LTBP2: variants seen among roughly 807,000 people sequenced by gnomAD.
LTBP2 encodes the protein latent transforming growth factor beta binding protein 2.
LTBP2 carries 103 observed loss-of-function variants against 210.6 expected under a neutral mutation model. That is an observed-to-expected ratio of 0.49 (90% CI 0.42 to 0.58). LTBP2 has a LOEUF of 0.58. Ranked by LOEUF, LTBP2 falls within the 20% of genes least tolerant of loss-of-function variation. The pLI, the probability that LTBP2 is intolerant of heterozygous loss-of-function variation, is 0.00. For synonymous variants in LTBP2, 1,007 were observed against 1,015.0 expected, an observed-to-expected ratio of 0.99 and a Z score of 0.15; for missense variants, 2,313 against 2,494.5, an observed-to-expected ratio of 0.93 and a Z score of 1.55.
At chr14:74,605,548 C>T (rs940632679) in intron 1 of LTBP2, among the ~76,000 whole-genome samples, 2 of 152,224 alleles carry the variant, frequency 1.3e-5, no homozygotes, top group Non-Finnish European at 2.9e-5. Context: ...TATGTCACCA[C>T]CCCTTGTGGT....
chr14:74,502,863 C>T lies in LTBP2; in HGVS notation c.4960G>A (p.Gly1654Ser), dbSNP rs774203705. 2.9e-5 allele frequency: 46 copies of T among 1,613,954 alleles called. No homozygotes were observed. The Admixed American group carries it at 7.0e-4, about 25-fold the overall frequency. ...EREAGVHFRPGYEYGPGPDDL... is the reference protein window; with the variant it reads ...EREAGVHFRPSYEYGPGPDDL... The stretch of plus-strand genomic sequence containing the variant: ...TCGGGCCCGGGGCCATACTCATAGC[C>T]TGGCCGGAAGTGGACCCCGGCCTCC... The change falls in exon 34 of 36, where the codon GGC (glycine) becomes AGC (serine). Residue 1654 changes from glycine (G) to serine (S), a missense_variant. This residue lies in a region of LTBP2 where 443 missense variants were observed against 501.4 expected (regional missense o/e 0.88). Coordinates refer to ENST00000261978, the MANE Select transcript of LTBP2 (RefSeq NM_000428.3).
chr14:74,596,226 A>AAAATAAATAAATAAATAAAT (rs529095086), intron 2 of LTBP2, among the ~76,000 whole-genome samples: 18 of 122,112 alleles, frequency 1.5e-4, no homozygotes, highest in Non-Finnish European at 2.0e-4. Flanking sequence ...TGCTGTTTCA[A>AAAATAAATAAATAAATAAAT]AAATAAATAA....
At position 74,555,542 on chromosome 14, in the gene LTBP2, G is replaced by T. The variant is rs368523465; in HGVS notation, c.982C>A (p.Gln328Lys). 5.0e-6 allele frequency: 8 copies of T among 1,613,230 alleles called. No homozygotes were observed. Among genetic ancestry groups the T allele is most frequent in the Non-Finnish European group, 6.8e-6 (8 of 1,179,602 alleles). The change falls in exon 4 of 36, where the codon CAA becomes AAA. Residue 328 changes from glutamine to lysine, a missense_variant. Gln to Lys is a moderately conservative substitution (Grantham distance 53). Transcript: ENST00000261978. ...GGGTGCTCCAGAGGTACCGCCTGTT[G>T]GGTGCCATCTCTCTGCTCAAGGCCT... is the stretch of plus-strand genomic sequence containing the variant. ...GPGLEQRDGT[Q>K]QAVPLEHPSS...
At chr14:74,525,958 C>T in intron 14 of LTBP2, 117 bp downstream of exon 14, 1 of 1,116,164 alleles carries the variant, frequency 9.0e-7, no homozygotes, top group South Asian at 1.3e-5. Flanking sequence ...TCCTTCTCAC[C>T]CTCCTCTGAT....
At chr14:74,506,950 T>C in intron 26 of LTBP2, 127 bp from the exon 27 acceptor site, 1 of 1,550,378 alleles carries the variant, frequency 6.5e-7, no homozygotes, top group East Asian at 2.4e-5. Flanking sequence ...AATACTTATT[T>C]GGCTTATTAG....
chr14:74,509,199 G>A (rs367605973), intron 22 of LTBP2, 39 bp downstream of exon 22: 1 of 1,613,062 alleles, frequency 6.2e-7, no homozygotes, highest in Non-Finnish European at 8.5e-7. Context: ...GACAGAGGGG[G>A]CATCCCATTT....
At chr14:74,522,944 G>A (rs1219277544) in intron 15 of LTBP2, 26 bp from the exon 16 acceptor site, 3 of 1,606,928 alleles carry the variant, frequency 1.9e-6, no homozygotes, top group African/African-American at 1.3e-5. Context: ...CAAAACAGAG[G>A]TTATGGCAGG....
chr14:74,540,867 T>TA (rs2087495122), intron 8 of LTBP2, among the ~76,000 whole-genome samples: 5 of 67,510 alleles, frequency 7.4e-5, no homozygotes, highest in South Asian at 4.4e-4. Flanking sequence ...TTATATATAT[T>TA]TATATATATA....
chr14:74,576,709 C>A (rs1005851475), intron 3 of LTBP2, among the ~76,000 whole-genome samples: 3 of 151,358 alleles, frequency 2.0e-5, no homozygotes, highest in Non-Finnish European at 4.4e-5. Flanking sequence ...TTAAGATGGA[C>A]ACAACAGGGG....
rs575476350 is a variant in LTBP2 at position 74,515,252 on chromosome 14, ATT to A, written c.2908+1568_2908+1569del. 3.2e-3 allele frequency among the ~76,000 whole-genome samples: 400 copies of A among 125,418 alleles called. 2 individuals carry two copies. The highest frequency in any genetic ancestry group is 0.03 in the East Asian group (125 of 4,208). 82.3% of individuals were successfully genotyped at this position (125,418 alleles called of 152,430 possible). Reference sequence around the variant, plus strand: ...ACACAGACTGGTTAATATAAATCTGATTTTTTTTTTTTTTTTTTTTTTGAGAC... The same window carrying A: ...ACACAGACTGGTTAATATAAATCTGATTTTTTTTTTTTTTTTTTTTGAGAC... On this transcript the variant is annotated intron_variant, in intron 18 of 35. Coordinates refer to ENST00000261978, the MANE Select transcript of LTBP2 (RefSeq NM_000428.3).
At chr14:74,516,369 T>TCCCTCCCTCCCTCCCC (rs2087135490) in intron 18 of LTBP2, among the ~76,000 whole-genome samples, 1 of 74,190 alleles carries the variant, frequency 1.3e-5, no homozygotes, top group African/African-American at 5.7e-5. Flanking sequence ...CCTCCCTTCC[T>TCCCTCCCTCCCTCCCC]TCCTTCCTTC....
At chr14:74,547,302 C>G (rs2087590080) in intron 8 of LTBP2, among the ~76,000 whole-genome samples, 1 of 152,166 alleles carries the variant, frequency 6.6e-6, no homozygotes, top group Non-Finnish European at 1.5e-5. Context: ...TCGCTGACAC[C>G]CCACCCAGAG....
chr14:74,552,132 C>T, intron 6 of LTBP2, 55 bp downstream of exon 6: 1 of 1,510,314 alleles, frequency 6.6e-7, no homozygotes, highest in Non-Finnish European at 8.9e-7. Flanking sequence ...TGACAGCCTC[C>T]ACCCAACTGG....
Position 74,532,568 on chromosome 14 carries a change from G to T in LTBP2, c.1865-20C>A. 6.2e-7 allele frequency: 1 copy of T among 1,613,552 alleles called. No individual in the cohort carries two copies. The highest frequency in any genetic ancestry group is 1.1e-5 in the South Asian group (1 of 90,980). On this transcript the variant is annotated intron_variant, in intron 9 of 35. Coordinates refer to ENST00000261978, the MANE Select transcript of LTBP2 (RefSeq NM_000428.3). ...TGATATCTGCAGGGTTGGAGGAGAT[G>T]ACCAAGTGCCCGCCCCACGGAGGCC...
intron 13 of LTBP2, 22 bp downstream of exon 13, chr14:74,527,325 C>T (rs1249242306): frequency 1.9e-6 from 3 of 1,610,378 alleles, no homozygotes; most frequent in Middle Eastern, 1.7e-4. Flanking sequence ...TGCCCGGCCC[C>T]CTAGTGGGAG....
intron 19 of LTBP2, among the ~76,000 whole-genome samples, 154 bp downstream of exon 19, chr14:74,511,091 T>C (rs979243367): frequency 2.0e-5 from 3 of 152,332 alleles, no homozygotes; most frequent in African/African-American, 7.2e-5. Flanking sequence ...TGGCGACTCA[T>C]GCCCAGCGTC....
intron 3 of LTBP2, among the ~76,000 whole-genome samples, chr14:74,574,061 A>G (rs2088022460): frequency 2.0e-5 from 3 of 152,190 alleles, no homozygotes. Flanking sequence ...TTATTCAATA[A>G]GGCTCCATCA....
At chr14:74,545,190 AG>A (rs2087562226) in intron 8 of LTBP2, among the ~76,000 whole-genome samples, 2 of 152,210 alleles carry the variant, frequency 1.3e-5, no homozygotes, top group African/African-American at 4.8e-5. Flanking sequence ...GCTGAGAGTC[AG>A]ACATACTGTG....
At chr14:74,594,077 C>T (rs1457671020) in intron 2 of LTBP2, among the ~76,000 whole-genome samples, 1 of 152,072 alleles carries the variant, frequency 6.6e-6, no homozygotes, top group Non-Finnish European at 1.5e-5. Flanking sequence ...AGTCACTTGC[C>T]CCAGGACACA....
Sources: gnomAD v4.1 joint callset for allele counts (sites outside exome capture counted in the v4.1 genomes callset) on GRCh38, gnomAD v4.1.1 for gene constraint, gnomAD v4.1.1 regional missense constraint, MANE v1.5 for transcripts, NCBI Gene and HGNC (gene_info 2026-07-23, HGNC 2026-07-21) for gene names.